The following FRMD4B variants were observed in gnomAD, a reference collection of about 807,000 sequenced individuals.
The protein encoded by FRMD4B is FERM domain containing 4B, also known as FERM domain-containing protein 4B.
A neutral mutation model predicts 141.5 loss-of-function variants in FRMD4B; 74 were observed. That is an observed-to-expected ratio of 0.52 (90% CI 0.43 to 0.63). The LOEUF is 0.63. Among genes scored for constraint, FRMD4B ranks in the 30% least tolerant of loss-of-function variants. The pLI is 0.00. For missense variants in FRMD4B, 1,366 were observed against 1,253.4 expected, an observed-to-expected ratio of 1.09 and a Z score of -1.36; for synonymous variants, 506 against 467.9, an observed-to-expected ratio of 1.08 and a Z score of -1.05.
intron 1 of FRMD4B, among the ~76,000 whole-genome samples, chr3:69,485,870 G>T (rs1470642270): frequency 1.3e-5 from 2 of 152,264 alleles, no homozygotes; most frequent in Non-Finnish European, 2.9e-5. Flanking sequence ...TCCCTGCAGT[G>T]GCCAGTGTGA....
At chr3:69,455,492 T>A (rs926261393) in intron 1 of FRMD4B, among the ~76,000 whole-genome samples, 1 of 152,116 alleles carries the variant, frequency 6.6e-6, no homozygotes, top group Non-Finnish European at 1.5e-5. Flanking sequence ...AGGCTCACCG[T>A]GAAGGTCTGC....
chr3:69,532,622 T>G, intron 1 of FRMD4B, among the ~76,000 whole-genome samples: 1 of 152,156 alleles, frequency 6.6e-6, no homozygotes, highest in East Asian at 1.9e-4. Context: ...CTCCCCTCTC[T>G]CCCCAGCCCC....
chr3:69,536,530 C>A, intron 1 of FRMD4B: 1 of 696,448 alleles, frequency 1.4e-6, no homozygotes, highest in Non-Finnish European at 2.6e-6. Flanking sequence ...TACCACCGTG[C>A]GGGGGGTGGG....
chr3:69,295,468 C>T (rs535503045), intron 4 of FRMD4B, among the ~76,000 whole-genome samples: 2 of 152,142 alleles, frequency 1.3e-5, no homozygotes, highest in East Asian at 1.9e-4. Flanking sequence ...ACTGCAGGCA[C>T]GCACTACCAT....
At chr3:69,416,605 A>G (rs1382747500) in intron 2 of FRMD4B, among the ~76,000 whole-genome samples, 1 of 152,148 alleles carries the variant, frequency 6.6e-6, no homozygotes, top group African/African-American at 2.4e-5. Flanking sequence ...ACATAGGTAT[A>G]TATGTGCCAT....
At chr3:69,387,141 CT>C (rs1704277212), upstream of FRMD4B, among the ~76,000 whole-genome samples, 2 of 152,076 alleles carry the variant, frequency 1.3e-5, no homozygotes, top group South Asian at 4.1e-4. Context: ...CTCTGTCTTC[CT>C]TTATTTATTT....
chr3:69,248,213 C>T (rs1267142665), intron 7 of FRMD4B, among the ~76,000 whole-genome samples: 1 of 151,364 alleles, frequency 6.6e-6, no homozygotes, highest in East Asian at 1.9e-4. Context: ...TTCATGATTT[C>T]TTCAAATTTC....
intron 7 of FRMD4B, 134 bp downstream of exon 7, chr3:69,249,092 G>A (rs2093444881): frequency 1.7e-6 from 1 of 598,002 alleles, no homozygotes; most frequent in South Asian, 2.0e-5. Flanking sequence ...TATTTGAAGA[G>A]CGAAGAGATC....
intron 3 of FRMD4B, among the ~76,000 whole-genome samples, chr3:69,306,023 G>GACA (rs1485485982): frequency 1.3e-5 from 2 of 152,118 alleles, no homozygotes; most frequent in Non-Finnish European, 2.9e-5. Flanking sequence ...ACTCAACCAT[G>GACA]ACATTAAAGA....
intron 22 of FRMD4B, among the ~76,000 whole-genome samples, chr3:69,173,578 C>T (rs1008255231): frequency 6.6e-6 from 1 of 152,024 alleles, no homozygotes; most frequent in African/African-American, 2.4e-5. Flanking sequence ...ATTTATAAAG[C>T]TTTATGAATG....
intron 5 of FRMD4B, among the ~76,000 whole-genome samples, chr3:69,257,505 T>C (rs187241817): frequency 2.0e-5 from 3 of 152,346 alleles, no homozygotes; most frequent in East Asian, 1.9e-4. Context: ...TTAAGAGAAG[T>C]TGAATTATAA....
At chr3:69,416,270 T>G (rs1057423251) in intron 2 of FRMD4B, among the ~76,000 whole-genome samples, 2 of 152,168 alleles carry the variant, frequency 1.3e-5, no homozygotes, top group African/African-American at 4.8e-5. Context: ...AGAAATTGCT[T>G]TATTAAAAAT....
chr3:69,514,329 A>C (rs944102575), intron 1 of FRMD4B, among the ~76,000 whole-genome samples: 1 of 152,160 alleles, frequency 6.6e-6, no homozygotes, highest in African/African-American at 2.4e-5. Context: ...TAAAATATTT[A>C]AGAATAAGCT....
At chr3:69,264,025 G>A (rs2093545472) in intron 5 of FRMD4B, among the ~76,000 whole-genome samples, 1 of 151,552 alleles carries the variant, frequency 6.6e-6, no homozygotes, top group African/African-American at 2.4e-5. Flanking sequence ...GTTTTGCCAT[G>A]TTGGCCAGGC....
chr3:69,345,975 G>C (rs1444575112), intron 1 of FRMD4B, among the ~76,000 whole-genome samples: 1 of 152,116 alleles, frequency 6.6e-6, no homozygotes, highest in African/African-American at 2.4e-5. Flanking sequence ...CAACAAAGCT[G>C]GACAGAGAAT....
At chr3:69,251,540 A>G (rs115333749) in intron 5 of FRMD4B, among the ~76,000 whole-genome samples, 2,317 of 152,368 alleles carry the variant, frequency 0.015, 60 homozygotes, top group African/African-American at 0.052. Context: ...AGTGATAATT[A>G]TTCATGTTTC....
At chr3:69,501,683 A>C (rs1038239568) in intron 1 of FRMD4B, among the ~76,000 whole-genome samples, 4 of 152,096 alleles carry the variant, frequency 2.6e-5, no homozygotes, top group South Asian at 2.1e-4. Flanking sequence ...CTGGCCAGGG[A>C]AATCAGGCAG....
At chr3:69,459,561 T>C (rs1052133807) in intron 1 of FRMD4B, among the ~76,000 whole-genome samples, 1 of 152,238 alleles carries the variant, frequency 6.6e-6, no homozygotes, top group Non-Finnish European at 1.5e-5. Flanking sequence ...CACCTTTCTA[T>C]CGAGGGCATA....
chr3:69,397,170 T>A (rs1418246205), intron 2 of FRMD4B, among the ~76,000 whole-genome samples: 1 of 152,208 alleles, frequency 6.6e-6, no homozygotes, highest in Non-Finnish European at 1.5e-5. Flanking sequence ...GACGGAATAC[T>A]ACTCAGCCAT....
Sources: allele counts gnomAD v4.1 joint callset (sites outside exome capture counted in the v4.1 genomes callset), GRCh38; gene constraint gnomAD v4.1.1; transcripts MANE v1.5; gene names NCBI Gene and HGNC (gene_info 2026-07-23, HGNC 2026-07-21).